The following RAD51 variants were observed in gnomAD, a reference collection of about 807,000 sequenced individuals.
RAD51 encodes DNA repair protein RAD51 homolog 1.
A neutral mutation model predicts 41.5 loss-of-function variants in RAD51; 14 were observed. The observed-to-expected ratio is 0.34, with a 90% CI of 0.22 to 0.53. The LOEUF (loss-of-function observed/expected upper bound fraction) is 0.53, where lower values mean the gene tolerates loss of function less well. RAD51 is among the 20% of genes least tolerant of loss of function. The pLI, the probability that RAD51 is intolerant of heterozygous loss-of-function variation, is 0.95. For missense variants in RAD51, 234 were observed against 422.0 expected (o/e 0.55, Z 3.90); for synonymous variants, 136 against 148.6 (o/e 0.92, Z 0.62).
chr15:40,698,961 A>G (rs1894821192), intron 2 of RAD51, 116 bp downstream of exon 2: 3 of 1,003,330 alleles, frequency 3.0e-6, no homozygotes, highest in South Asian at 1.3e-5. Flanking sequence ...CCCAAATTAG[A>G]CTTTTCAGAA....
Position 40,729,983 on chromosome 15 carries a change from TTGA to T in RAD51, c.896+12_896+14del. 6.2e-7 allele frequency: 1 copy of T among 1,613,984 alleles called. No homozygotes were observed. Among genetic ancestry groups the T allele is most frequent in the Non-Finnish European group, 8.5e-7 (1 of 1,179,852 alleles). ...CATGCATCAACAACCAGGTAAGGTG[TTGA>T]TGGGATCAGTTCTTCTTTTCGGAAT... On this transcript the variant is annotated intron_variant, in intron 9 of 9. Coordinates refer to ENST00000267868, the MANE Select transcript of RAD51 (RefSeq NM_002875.5).
At chr15:40,701,895 T>C in intron 3 of RAD51, 1 of 386,634 alleles carries the variant, frequency 2.6e-6, no homozygotes, top group South Asian at 1.9e-5. Context: ...GTGATTCTCC[T>C]GCCTCAGCCT....
chr15:40,712,995 C>T (rs1895785999), intron 5 of RAD51, among the ~76,000 whole-genome samples: 1 of 150,740 alleles, frequency 6.6e-6, no homozygotes, highest in Non-Finnish European at 1.5e-5. Flanking sequence ...TCTCCTGCCT[C>T]AGCCTCCCGA....
Position 40,729,779 on chromosome 15 carries a change from G to A in RAD51, c.775-74G>A, listed in dbSNP as rs574721581. 167 of 1,611,808 alleles carry A rather than the reference G, an allele frequency of 1.0e-4. No individual in the cohort carries two copies. The African/African-American group carries it at 2.0e-3, about 20-fold the overall frequency. On this transcript the variant is annotated intron_variant, in intron 8 of 9. Coordinates refer to ENST00000267868, the MANE Select transcript of RAD51 (RefSeq NM_002875.5). ...CATTAGTTATTCGTTATTTTGTGGG[G>A]GAAAGTGGTGGCAGCATTAAGGCTT...
Position 40,731,640 on chromosome 15 carries a change from C to G in RAD51, c.*462C>G. On this transcript the variant is annotated 3_prime_UTR_variant, in exon 10 of 10. Transcript: ENST00000267868. ...TTTTTCTGTCAGTAAAACTCTCAAG[C>G]AGGTTTTTAAGTTGTCTGTCTGAAT... is the stretch of plus-strand genomic sequence containing the variant. 1 of 246,082 alleles carries G rather than the reference C, an allele frequency of 4.1e-6. No individual in the cohort carries two copies. 15.2% of individuals were successfully genotyped at this position (246,082 alleles called of 1,614,324 possible).
intron 6 of RAD51, among the ~76,000 whole-genome samples, chr15:40,728,440 A>G (rs1055633049): frequency 2.7e-5 from 4 of 150,478 alleles, no homozygotes; most frequent in Admixed American, 6.7e-5. Flanking sequence ...TGACAGAGCA[A>G]GACTCCGTCT....
chr15:40,697,639 G>A (rs1290102355), intron 1 of RAD51, among the ~76,000 whole-genome samples: 4 of 141,684 alleles, frequency 2.8e-5, no homozygotes, highest in South Asian at 4.5e-4. Flanking sequence ...GTGCAGTGGC[G>A]CGATCTTGGC....
At chr15:40,703,382 T>G (rs1224620844) in intron 3 of RAD51, among the ~76,000 whole-genome samples, 2 of 152,208 alleles carry the variant, frequency 1.3e-5, no homozygotes, top group Non-Finnish European at 2.9e-5. Flanking sequence ...GGCCGTGCAA[T>G]GAATTTTTAA....
At position 40,696,257 on chromosome 15, in the gene RAD51, C is replaced by G. The variant is rs544361422; in HGVS notation, c.-3+832C>G. On this transcript the variant is annotated intron_variant, in intron 1 of 9. Coordinates refer to ENST00000267868, the MANE Select transcript of RAD51 (RefSeq NM_002875.5). The stretch of plus-strand genomic sequence containing the variant: ...CATGTAGAAAAATTCACATTCACAA[C>G]TGTATACAACTCCGTGAATTATTAC... 6.6e-5 allele frequency among the ~76,000 whole-genome samples: 10 copies of G among 152,230 alleles called. No individual in the cohort carries two copies. In the East Asian group the frequency reaches 1.7e-3, roughly 26 times the overall value.
chr15:40,723,836 G>C (rs558590869), intron 6 of RAD51, among the ~76,000 whole-genome samples: 20 of 152,240 alleles, frequency 1.3e-4, no homozygotes, highest in African/African-American at 4.6e-4. Flanking sequence ...AGTAAAGCTC[G>C]TGAAGAGTTT....
chr15:40,729,774 G>A (rs918342812), intron 8 of RAD51, 79 bp from the exon 9 acceptor site: 4 of 1,611,424 alleles, frequency 2.5e-6, no homozygotes, highest in East Asian at 2.2e-5. Flanking sequence ...TCGTTATTTT[G>A]TGGGGGAAAG....
chr15:40,725,722 C>T (rs1317050332), intron 6 of RAD51, among the ~76,000 whole-genome samples: 1 of 152,194 alleles, frequency 6.6e-6, no homozygotes, highest in African/African-American at 2.4e-5. Flanking sequence ...GACACGGTGG[C>T]TCACGCCTGT....
At chr15:40,721,003 A>G (rs1203685124) in intron 6 of RAD51, among the ~76,000 whole-genome samples, 1 of 152,186 alleles carries the variant, frequency 6.6e-6, no homozygotes, top group African/African-American at 2.4e-5. Flanking sequence ...CCAGCATGGC[A>G]AAACCCTGTC....
chr15:40,699,324 G>A (rs1160880973), intron 2 of RAD51, among the ~76,000 whole-genome samples: 1 of 152,196 alleles, frequency 6.6e-6, no homozygotes, highest in Non-Finnish European at 1.5e-5. Flanking sequence ...TATATTTTTA[G>A]TAGAGACAGG....
At chr15:40,702,156 C>G (rs1460207865) in intron 3 of RAD51, among the ~76,000 whole-genome samples, 4 of 152,156 alleles carry the variant, frequency 2.6e-5, no homozygotes, top group East Asian at 1.9e-4. Flanking sequence ...TTGGATTACT[C>G]AAATGAATAT....
At chr15:40,718,718 GA>G (rs1163703251) in intron 5 of RAD51, 86 bp from the exon 6 acceptor site, 18 of 1,171,882 alleles carry the variant, frequency 1.5e-5, no homozygotes, top group Non-Finnish European at 2.2e-5. Context: ...CTTTGCCTTG[GA>G]GGAATTATAA....
chr15:40,724,793 C>T (rs1376136240), intron 6 of RAD51, among the ~76,000 whole-genome samples: 2 of 148,912 alleles, frequency 1.3e-5, no homozygotes, highest in Non-Finnish European at 3.0e-5. Context: ...ATTCTCCTGC[C>T]TCAACCTCCC....
chr15:40,727,886 A>G (rs1896667421), intron 6 of RAD51, among the ~76,000 whole-genome samples: 1 of 139,452 alleles, frequency 7.2e-6, no homozygotes, highest in Non-Finnish European at 1.5e-5. Flanking sequence ...TTGAGATGGA[A>G]TCTCACTCTG....
intron 4 of RAD51, among the ~76,000 whole-genome samples, chr15:40,707,866 C>A (rs183207249): frequency 2.4e-4 from 37 of 152,014 alleles, no homozygotes; most frequent in African/African-American, 8.0e-4. Context: ...GACAGGCACC[C>A]GCCACCGTGC....
Sources: allele counts gnomAD v4.1 joint callset (sites outside exome capture counted in the v4.1 genomes callset), GRCh38; gene constraint gnomAD v4.1.1; transcripts MANE v1.5; gene names NCBI Gene and HGNC (gene_info 2026-07-23, HGNC 2026-07-21).